PCSK5: variants seen among roughly 807,000 people sequenced by gnomAD.
The protein encoded by PCSK5 is prohormone convertase 5.
PCSK5 carries 129 observed loss-of-function variants against 233.2 expected under a neutral mutation model. That is an observed-to-expected ratio of 0.55 (90% confidence interval 0.48 to 0.64). The LOEUF (loss-of-function observed/expected upper bound fraction) is 0.64, where lower values mean the gene tolerates loss of function less well. Ranked by LOEUF, PCSK5 falls within the 30% of genes least tolerant of loss-of-function variation. The pLI is 0.00. For missense variants in PCSK5, 2,076 were observed against 2,430.1 expected, an observed-to-expected ratio of 0.85 and a Z score of 3.06; for synonymous variants, 825 against 879.2, an observed-to-expected ratio of 0.94 and a Z score of 1.09.
intron 2 of PCSK5, among the ~76,000 whole-genome samples, chr9:75,949,813 C>G (rs374923525): frequency 4.6e-5 from 7 of 152,244 alleles, no homozygotes; most frequent in African/African-American, 1.7e-4. Context: ...CATGAGCCAC[C>G]GCGCCTGGCC....
intron 20 of PCSK5, chr9:76,193,440 A>C (rs1824520083): frequency 1.9e-6 from 2 of 1,048,918 alleles, no homozygotes; most frequent in African/African-American, 1.6e-5. Context: ...AAAAAAAAAA[A>C]AGCAAGCCAC....
chr9:76,022,230 G>A (rs1002295641), intron 3 of PCSK5, among the ~76,000 whole-genome samples: 21 of 152,122 alleles, frequency 1.4e-4, no homozygotes, highest in South Asian at 8.3e-4. Context: ...TCTGTGTCTC[G>A]CCTTTAGGAC....
intron 1 of PCSK5, among the ~76,000 whole-genome samples, chr9:75,893,711 T>C (rs1348715131): frequency 6.6e-6 from 1 of 152,164 alleles, no homozygotes; most frequent in Non-Finnish European, 1.5e-5. Context: ...TCATTAAAAA[T>C]AATAATGCTA....
At chr9:76,324,557 C>A (rs1829304592) in intron 32 of PCSK5, among the ~76,000 whole-genome samples, 1 of 152,082 alleles carries the variant, frequency 6.6e-6, no homozygotes, top group Admixed American at 6.6e-5. Flanking sequence ...TCCCTGGAAG[C>A]TCCCCACCTT....
intron 7 of PCSK5, among the ~76,000 whole-genome samples, chr9:76,085,761 C>T (rs12001046): frequency 1.2e-3 from 189 of 152,208 alleles, no homozygotes; most frequent in African/African-American, 4.3e-3. Context: ...CAGTTCAGGC[C>T]CCATGCTGGG....
intron 12 of PCSK5, among the ~76,000 whole-genome samples, chr9:76,163,876 TTTTC>T (rs1319205614): frequency 2.3e-5 from 3 of 128,562 alleles, no homozygotes; most frequent in Admixed American, 7.5e-5. Context: ...TTTTTTTTTT[TTTTC>T]CTGAATCTCC....
At chr9:75,965,771 C>G (rs1825558363) in intron 2 of PCSK5, among the ~76,000 whole-genome samples, 1 of 152,168 alleles carries the variant, frequency 6.6e-6, no homozygotes, top group African/African-American at 2.4e-5. Context: ...CTATTTCCCC[C>G]ATTCTTAGGT....
At chr9:76,323,660 T>G (rs931542184) in intron 32 of PCSK5, among the ~76,000 whole-genome samples, 1 of 152,136 alleles carries the variant, frequency 6.6e-6, no homozygotes. Flanking sequence ...CTTTACCATC[T>G]CACTCAAGGA....
intron 2 of PCSK5, among the ~76,000 whole-genome samples, chr9:75,936,236 G>T (rs1416879944): frequency 6.6e-6 from 1 of 152,196 alleles, no homozygotes; most frequent in Admixed American, 6.5e-5. Context: ...TGCTCAGGGT[G>T]GTGGTTGCTG....
chr9:76,262,439 A>G (rs2131361460), intron 24 of PCSK5, among the ~76,000 whole-genome samples: 1 of 152,232 alleles, frequency 6.6e-6, no homozygotes, highest in Admixed American at 6.5e-5. Flanking sequence ...ATATGGATCA[A>G]TGGAACAGAA....
At chr9:76,354,800 A>C (rs1220112226) in intron 37 of PCSK5, among the ~76,000 whole-genome samples, 3 of 152,118 alleles carry the variant, frequency 2.0e-5, no homozygotes, top group Non-Finnish European at 4.4e-5. Flanking sequence ...AAAATGGTTC[A>C]TCTGGAATTA....
At chr9:75,978,304 G>T (rs1826116938) in intron 2 of PCSK5, among the ~76,000 whole-genome samples, 1 of 152,148 alleles carries the variant, frequency 6.6e-6, no homozygotes, top group Admixed American at 6.5e-5. Context: ...AGTTTCTTTT[G>T]CCCCAAGCCA....
intron 7 of PCSK5, among the ~76,000 whole-genome samples, chr9:76,091,982 C>G (rs902138268): frequency 1.3e-5 from 2 of 152,178 alleles, no homozygotes; most frequent in African/African-American, 4.8e-5. Flanking sequence ...TCAGGACTCT[C>G]AACCCCGTGG....
chr9:75,976,277 CACACACACACA>C, intron 2 of PCSK5, among the ~76,000 whole-genome samples: 2 of 6,526 alleles, frequency 3.1e-4, no homozygotes, highest in Non-Finnish European at 6.9e-4. Context: ...ACAGACACCA[CACACACACACA>C]CACACACACA....
chr9:76,200,117 TC>T lies in PCSK5; in HGVS notation c.2626+10374del, dbSNP rs1256834763. On this transcript the variant is annotated intron_variant, in intron 20 of 37. Coordinates refer to ENST00000674117, the MANE Select transcript of PCSK5 (RefSeq NM_001372043.1). The stretch of plus-strand genomic sequence containing the variant: ...CTCTCCTCTCCTATTTTCTCTCCTT[TC>T]CCTAATCAGTTCCCTACACAGCATA... 3.9e-5 allele frequency among the ~76,000 whole-genome samples: 6 copies of T among 152,014 alleles called. No homozygotes were observed. The East Asian group carries it at 1.2e-3, about 29-fold the overall frequency.
Position 76,240,611 on chromosome 9 carries a change from T to C in PCSK5, c.3074-5T>C. 6.4e-7 allele frequency: 1 copy of C among 1,562,842 alleles called. No homozygotes were observed. Among genetic ancestry groups the C allele is most frequent in the Non-Finnish European group, 8.7e-7 (1 of 1,149,028 alleles). Reference sequence around the variant, plus strand: ...GTTGTGTTTTTCACTTCTCTGTCTGTGTAGGTGAAGTCCAAGACCCAGACT... The same window carrying C: ...GTTGTGTTTTTCACTTCTCTGTCTGCGTAGGTGAAGTCCAAGACCCAGACT... On this transcript the variant is annotated splice_region_variant and splice_polypyrimidine_tract_variant and intron_variant, in intron 23 of 37. Transcript: ENST00000674117.
intron 35 of PCSK5, among the ~76,000 whole-genome samples, chr9:76,346,649 C>A (rs530197173): frequency 1.3e-5 from 2 of 151,616 alleles, no homozygotes; most frequent in Non-Finnish European, 2.9e-5. Flanking sequence ...CACATATGTC[C>A]CTTGCTGGTT....
intron 7 of PCSK5, among the ~76,000 whole-genome samples, chr9:76,074,363 A>AG (rs1349594201): frequency 6.6e-6 from 1 of 152,228 alleles, no homozygotes; most frequent in Non-Finnish European, 1.5e-5. Flanking sequence ...AGGGAAAAAA[A>AG]GGAATTCAGT....
chr9:76,161,049 C>T (rs1248079138), intron 12 of PCSK5, among the ~76,000 whole-genome samples: 2 of 152,240 alleles, frequency 1.3e-5, no homozygotes, highest in Non-Finnish European at 2.9e-5. Flanking sequence ...GCTGGGATTA[C>T]AGGCATGAGC....
Sources: gnomAD v4.1 joint callset for allele counts (sites outside exome capture counted in the v4.1 genomes callset) on GRCh38, gnomAD v4.1.1 for gene constraint, MANE v1.5 for transcripts, NCBI Gene and HGNC (gene_info 2026-07-23, HGNC 2026-07-21) for gene names.